The following DZIP3 variants were observed in gnomAD, a reference collection of about 807,000 sequenced individuals.
DZIP3 encodes E3 ubiquitin-protein ligase DZIP3.
DZIP3 carries 118 observed loss-of-function variants against 162.0 expected under a neutral mutation model. That is an observed-to-expected ratio of 0.73 (90% confidence interval 0.63 to 0.85). The LOEUF (loss-of-function observed/expected upper bound fraction) is 0.85, where lower values mean the gene tolerates loss of function less well. Among genes scored for constraint, DZIP3 ranks in the 40% least tolerant of loss-of-function variants. The probability of loss-of-function intolerance (pLI) is 0.00; values close to 1 mark genes in which losing one functional copy is unlikely to be tolerated. For missense variants in DZIP3, 1,331 were observed against 1,407.0 expected (o/e 0.95, Z 0.86); for synonymous variants, 438 against 458.6 (o/e 0.96, Z 0.57).
At chr3:108,659,462 A>G (rs1943313688) in intron 19 of DZIP3, among the ~76,000 whole-genome samples, 1 of 152,192 alleles carries the variant, frequency 6.6e-6, no homozygotes, top group Non-Finnish European at 1.5e-5. Context: ...AACTCTCAAT[A>G]AATTAGGTAT....
chr3:108,639,736 A>G (rs115240955), intron 12 of DZIP3, among the ~76,000 whole-genome samples: 1,792 of 151,788 alleles, frequency 0.012, 40 homozygotes, highest in African/African-American at 0.041. Context: ...TCAAAGAATC[A>G]GCTTTTAATT....
Position 108,694,790 on chromosome 3 carries a change from C to G in DZIP3, c.*1437C>G, listed in dbSNP as rs200197898. 2 of 152,184 alleles carry G rather than the reference C, an allele frequency of 1.3e-5. No individual in the cohort carries two copies. Among genetic ancestry groups the G allele is most frequent in the Non-Finnish European group, 2.9e-5 (2 of 68,026 alleles). The allele number at this position is 152,184 out of a possible 1,614,324, so 9.4% of individuals were successfully genotyped here. A position where few individuals can be genotyped will look rare whatever the true frequency, so the allele number is the denominator to read the frequency against. ...ACCAATGTTTCTTAGTTCATACTTA[C>G]AACTGCAATTTCACTTTCATTTAGA... On this transcript the variant is annotated 3_prime_UTR_variant, in exon 33 of 33. Coordinates refer to ENST00000361582, the MANE Select transcript of DZIP3 (RefSeq NM_014648.4).
chr3:108,691,429 A>G (rs557141093), intron 32 of DZIP3: 1 of 151,950 alleles, frequency 6.6e-6, no homozygotes, highest in African/African-American at 2.4e-5. Context: ...AAAGAAGTGG[A>G]TATTCACGGA....
chr3:108,617,461 A>G (rs1011202290), intron 5 of DZIP3, among the ~76,000 whole-genome samples: 5 of 152,186 alleles, frequency 3.3e-5, no homozygotes, highest in African/African-American at 7.2e-5. Context: ...TGAGATTTCT[A>G]TATTTGTAAA....
intron 25 of DZIP3, among the ~76,000 whole-genome samples, chr3:108,677,129 G>GT (rs1217016486): frequency 6.6e-6 from 1 of 151,810 alleles, no homozygotes; most frequent in Non-Finnish European, 1.5e-5. Flanking sequence ...ATTTTTTCCT[G>GT]TTTTTTAGCC....
At chr3:108,668,783 C>G (rs2107335803) in intron 21 of DZIP3, among the ~76,000 whole-genome samples, 1 of 152,010 alleles carries the variant, frequency 6.6e-6, no homozygotes, top group East Asian at 1.9e-4. Context: ...AATGGGTAGT[C>G]TCTGAAATCT....
intron 19 of DZIP3, among the ~76,000 whole-genome samples, chr3:108,658,513 C>T (rs1559764525): frequency 6.6e-6 from 1 of 152,026 alleles, no homozygotes; most frequent in Non-Finnish European, 1.5e-5. Context: ...AAATTTGTAG[C>T]ACTAAATGCC....
chr3:108,631,055 A>ACACACGCACACATACACTCT, intron 8 of DZIP3, among the ~76,000 whole-genome samples: 1 of 18,006 alleles, frequency 5.6e-5, no homozygotes, highest in East Asian at 2.5e-3. Flanking sequence ...ACACACACAC[A>ACACACGCACACATACACTCT]CTCTCTCTCT....
chr3:108,657,109 T>C (rs1235103301), intron 19 of DZIP3, among the ~76,000 whole-genome samples: 2 of 152,010 alleles, frequency 1.3e-5, no homozygotes, highest in Admixed American at 1.3e-4. Flanking sequence ...GCAGGCTAGA[T>C]TGTATTCAAA....
intron 32 of DZIP3, 60 bp downstream of exon 32, chr3:108,690,963 T>C: frequency 6.9e-7 from 1 of 1,444,764 alleles, no homozygotes; most frequent in Non-Finnish European, 9.7e-7. Context: ...CTTGTTTGAG[T>C]GGTGTAAAAC....
In DZIP3 at chr3:108,690,819, ATG is replaced by A; in HGVS notation, c.3551_3552del (p.Cys1184SerfsTer51). 3 of 1,614,116 alleles carry A rather than the reference ATG, an allele frequency of 1.9e-6. No individual in the cohort carries two copies. The highest frequency in any genetic ancestry group is 2.5e-6 in the Non-Finnish European group (3 of 1,179,958). ...GACCATGGTTGATGCAACAGGGGAC[ATG>A]TCCAACGTGCAGACTCCACGTTTTG... ...IRPWLMQQGT[C>X]PTCRLHVLLP... On this transcript the variant is annotated frameshift_variant, in exon 32 of 33. Transcript: ENST00000361582. LOFTEE classifies it high-confidence loss of function.
intron 18 of DZIP3, 102 bp downstream of exon 18, chr3:108,651,264 A>G (rs1942855937): frequency 2.8e-6 from 1 of 361,874 alleles, no homozygotes; most frequent in Non-Finnish European, 4.2e-6. Context: ...TTTTCTCACT[A>G]AGAGAAGAAG....
At chr3:108,628,286 AGGAG>A (rs1403135623) in intron 7 of DZIP3, among the ~76,000 whole-genome samples, 1 of 152,186 alleles carries the variant, frequency 6.6e-6, no homozygotes, top group Non-Finnish European at 1.5e-5. Flanking sequence ...TGTGGCAAGG[AGGAG>A]GTCTTTGCCA....
chr3:108,673,879 C>A (rs1017372083), intron 23 of DZIP3, among the ~76,000 whole-genome samples, 199 bp from the exon 24 acceptor site: 3 of 151,804 alleles, frequency 2.0e-5, no homozygotes, highest in Non-Finnish European at 2.9e-5. Context: ...AACCTAGTAA[C>A]CATTAAATAA....
At chr3:108,621,871 A>G (rs1202421234) in intron 5 of DZIP3, among the ~76,000 whole-genome samples, 1 of 152,172 alleles carries the variant, frequency 6.6e-6, no homozygotes, top group Non-Finnish European at 1.5e-5. Flanking sequence ...GTCCATCCAG[A>G]TGAATAAATA....
At chr3:108,652,613 T>C (rs1359411036) in intron 18 of DZIP3, among the ~76,000 whole-genome samples, 1 of 151,860 alleles carries the variant, frequency 6.6e-6, no homozygotes, top group Non-Finnish European at 1.5e-5. Flanking sequence ...CCTGAGTTTG[T>C]GGTGTTTATT....
rs763222655 is a variant in DZIP3, at chr3:108,688,645, C to T, written c.3323C>T (p.Pro1108Leu). 1.1e-5 allele frequency: 18 copies of T among 1,614,040 alleles called. No individual in the cohort carries two copies. Among genetic ancestry groups the T allele is most frequent in the African/African-American group, 4.0e-5 (3 of 74,926 alleles). The change falls in exon 30 of 33, where the codon CCA (proline) becomes CTA (leucine). Residue 1108 changes from proline to leucine, a missense_variant. By Grantham distance (98) the Pro-to-Leu change is moderately conservative. Coordinates refer to ENST00000361582, the MANE Select transcript of DZIP3 (RefSeq NM_014648.4). ...NVNCVSPSHS[P>L]SQPDAAQPPK... ...AATTGTGTTTCACCTAGTCATTCTC[C>T]ATCACAGCCTGATGCTGCCCAGCCC...
chr3:108,651,322 A>C (rs1033727128), intron 18 of DZIP3, among the ~76,000 whole-genome samples, 160 bp downstream of exon 18: 4 of 151,740 alleles, frequency 2.6e-5, no homozygotes, highest in African/African-American at 9.7e-5. Context: ...TTTTTATAGA[A>C]AGTAACAAAA....
At chr3:108,648,158 C>T (rs751984106) in intron 16 of DZIP3, 46 bp downstream of exon 16, 2 of 1,520,688 alleles carry the variant, frequency 1.3e-6, no homozygotes, top group Non-Finnish European at 1.8e-6. Flanking sequence ...TTATTCTGGG[C>T]CTTTAATTTG....
Sources: gnomAD v4.1 joint callset for allele counts (sites outside exome capture counted in the v4.1 genomes callset) on GRCh38, gnomAD v4.1.1 for gene constraint, MANE v1.5 for transcripts, NCBI Gene and HGNC (gene_info 2026-07-23, HGNC 2026-07-21) for gene names.